CCDC30: variants seen among roughly 807,000 people sequenced by gnomAD.
The protein encoded by CCDC30 is coiled-coil domain containing 30.
In CCDC30, 70 loss-of-function variants were observed where a neutral mutation model predicts 100.2. The observed-to-expected ratio is 0.70, with a 90% CI of 0.58 to 0.85. The LOEUF is 0.85. Ranked by LOEUF, CCDC30 falls within the 40% of genes least tolerant of loss-of-function variation. CCDC30 has a pLI of 0.00. For synonymous variants in CCDC30, 233 were observed against 269.5 expected, an observed-to-expected ratio of 0.86 and a Z score of 1.33; for missense variants, 652 against 771.2, an observed-to-expected ratio of 0.85 and a Z score of 1.83.
At chr1:42,467,247 G>A (rs1224646440) in intron 1 of CCDC30, among the ~76,000 whole-genome samples, 1 of 152,218 alleles carries the variant, frequency 6.6e-6, no homozygotes, top group Non-Finnish European at 1.5e-5. Flanking sequence ...CAAGTGATTT[G>A]CATTCAGGAG....
chr1:42,651,214 A>G (rs1185335059), intron 15 of CCDC30, among the ~76,000 whole-genome samples: 1 of 152,214 alleles, frequency 6.6e-6, no homozygotes, highest in East Asian at 1.9e-4. Flanking sequence ...GAACAAAAAC[A>G]AACATATACA....
intron 11 of CCDC30, among the ~76,000 whole-genome samples, chr1:42,626,518 T>C (rs1322193615): frequency 6.6e-6 from 1 of 152,170 alleles, no homozygotes; most frequent in Non-Finnish European, 1.5e-5. Context: ...TTTTTGTATA[T>C]ATGTTGTATT....
chr1:42,471,486 A>G (rs1042577005), intron 1 of CCDC30, among the ~76,000 whole-genome samples: 2 of 152,010 alleles, frequency 1.3e-5, no homozygotes, highest in African/African-American at 4.8e-5. Context: ...ATACTTTTGC[A>G]TTGTGCTTTT....
exon 7 of CCDC30, chr1:42,566,432 A>G: frequency 1.9e-6 from 3 of 1,613,982 alleles, no homozygotes; most frequent in Non-Finnish European, 2.5e-6. Flanking sequence ...CAGAACTTGG[A>G]CTTAAAGCAA....
chr1:42,508,906 C>T (rs554211640), intron 6 of CCDC30, among the ~76,000 whole-genome samples: 2 of 152,230 alleles, frequency 1.3e-5, no homozygotes, highest in East Asian at 1.9e-4. Context: ...CTTGGATATC[C>T]GCTTTTAATC....
At chr1:42,493,327 C>T (rs1447729544) in intron 4 of CCDC30, among the ~76,000 whole-genome samples, 1 of 152,164 alleles carries the variant, frequency 6.6e-6, no homozygotes, top group African/African-American at 2.4e-5. Context: ...CAGTGGCTCA[C>T]GCCTGTAATC....
intron 9 of CCDC30, among the ~76,000 whole-genome samples, chr1:42,587,319 G>C (rs1646093295): frequency 6.6e-6 from 1 of 152,116 alleles, no homozygotes; most frequent in Non-Finnish European, 1.5e-5. Flanking sequence ...TCCAATTCTA[G>C]TTTTCAGCTC....
Position 42,610,364 on chromosome 1 carries a change from A to G in CCDC30, c.1165-614A>G, listed in dbSNP as rs147422620. ...CCAAATATTTTATCAGAGTTAATTA[A>G]CTGAAGAGAACAGCTTTCACTTTAT... On this transcript the variant is annotated intron_variant, in intron 10 of 16. Coordinates refer to ENST00000668663, the Ensembl canonical transcript of CCDC30. Among the ~76,000 whole-genome samples, 615 of 152,308 alleles carry G rather than the reference A, an allele frequency of 4.0e-3. 4 individuals are homozygous for G. Among genetic ancestry groups the G allele is most frequent in the African/African-American group, 0.014 (595 of 41,578 alleles).
At chr1:42,566,331 G>A in exon 7 of CCDC30, 1 of 1,613,702 alleles carries the variant, frequency 6.2e-7, no homozygotes, top group Non-Finnish European at 8.5e-7. Context: ...AATACAACCA[G>A]CAAGGGGAAG....
At chr1:42,555,841 C>G (rs578021535) in intron 6 of CCDC30, among the ~76,000 whole-genome samples, 10 of 152,170 alleles carry the variant, frequency 6.6e-5, no homozygotes, top group African/African-American at 2.4e-4. Flanking sequence ...AGGCATACAC[C>G]ACCACACCTG....
chr1:42,462,593 C>T (rs1643440675), upstream of CCDC30, among the ~76,000 whole-genome samples: 1 of 152,066 alleles, frequency 6.6e-6, no homozygotes, highest in Admixed American at 6.5e-5. Flanking sequence ...AAAGCAAGGG[C>T]CCCCAAAACA....
intron 11 of CCDC30, among the ~76,000 whole-genome samples, chr1:42,636,152 G>T (rs758895074): frequency 3.3e-5 from 5 of 152,108 alleles, no homozygotes; most frequent in Non-Finnish European, 7.4e-5. Context: ...TCACTGGGTG[G>T]CTTATGCCTG....
intron 7 of CCDC30, among the ~76,000 whole-genome samples, chr1:42,568,800 G>A (rs1049278755): frequency 1.3e-5 from 2 of 151,292 alleles, no homozygotes; most frequent in Non-Finnish European, 1.5e-5. Flanking sequence ...AGAGTTAGCC[G>A]GGCATGGTAG....
At chr1:42,539,212 A>G in intron 6 of CCDC30, 1 of 1,608,456 alleles carries the variant, frequency 6.2e-7, no homozygotes, top group African/African-American at 1.3e-5. Context: ...ATGCCTTTAT[A>G]ATGAAGTTCA....
chr1:42,516,344 C>T (rs558868197), intron 6 of CCDC30, among the ~76,000 whole-genome samples: 17 of 151,866 alleles, frequency 1.1e-4, no homozygotes, highest in African/African-American at 1.9e-4. Flanking sequence ...GAGGTGGTAC[C>T]GAGTGACAGG....
chr1:42,547,799 A>G (rs1645174520), intron 6 of CCDC30, among the ~76,000 whole-genome samples: 1 of 152,210 alleles, frequency 6.6e-6, no homozygotes, highest in Non-Finnish European at 1.5e-5. Flanking sequence ...GACATTGTGT[A>G]TCTACCATGT....
exon 17 of CCDC30, chr1:42,653,875 C>G (rs1363338730): frequency 1.2e-6 from 2 of 1,614,060 alleles, no homozygotes; most frequent in South Asian, 1.1e-5. Context: ...CTGAAGAGAT[C>G]AAGTCAAAAG....
intron 5 of CCDC30, among the ~76,000 whole-genome samples, chr1:42,498,309 G>A (rs2783380): frequency 0.35 from 52,808 of 151,862 alleles, 9,350 homozygotes; most frequent in East Asian, 0.39. Flanking sequence ...TTGTTTAATG[G>A]GTATAGAGTT....
intron 6 of CCDC30, chr1:42,500,234 C>A: frequency 6.2e-7 from 1 of 1,600,666 alleles, no homozygotes; most frequent in Non-Finnish European, 8.6e-7. Context: ...TTCTCCTGTT[C>A]AATCGTTTCT....
Sources: allele counts gnomAD v4.1 joint callset (sites outside exome capture counted in the v4.1 genomes callset), GRCh38; gene constraint gnomAD v4.1.1; transcripts MANE v1.5; gene names NCBI Gene and HGNC (gene_info 2026-07-23, HGNC 2026-07-21).